CEP350: variants seen among roughly 807,000 people sequenced by gnomAD.
The protein encoded by CEP350 is centrosome-associated protein 350.
Under a neutral mutation model 331.8 loss-of-function variants are expected in CEP350, and 126 were observed. The ratio of observed to expected loss-of-function variants is 0.38; its 90% CI spans 0.33 to 0.44. The LOEUF is 0.44. CEP350 is among the 20% of genes least tolerant of loss of function. The probability of loss-of-function intolerance (pLI) is 1.00; values close to 1 mark genes in which losing one functional copy is unlikely to be tolerated. For missense variants in CEP350, 3,406 were observed against 3,634.6 expected (o/e 0.94, Z 1.62); for synonymous variants, 1,200 against 1,259.5 (o/e 0.95, Z 1.00).
intron 20 of CEP350, 124 bp downstream of exon 20, chr1:180,043,316 C>T: frequency 8.7e-7 from 1 of 1,149,808 alleles, no homozygotes; most frequent in Non-Finnish European, 1.2e-6. Context: ...CAGTTATGGG[C>T]ATAGTCTAGT....
chr1:179,955,114 G>T lies in CEP350; in HGVS notation c.-42G>T. On this transcript the variant is annotated 5_prime_UTR_variant, in exon 1 of 38. Transcript: ENST00000367607. Reference sequence around the variant, plus strand: ...GCCAGGCTCCGCGGGATGCACCGTGGTAGCCGAGGGCGGAGGCGACACTCT... The same window carrying T: ...GCCAGGCTCCGCGGGATGCACCGTGTTAGCCGAGGGCGGAGGCGACACTCT... The T allele has an allele frequency of 2.0e-6, 3 of 1,472,360 alleles. No individual in the cohort carries two copies. The South Asian group carries it at 3.8e-5, about 19-fold the overall frequency. The allele number at this position is 1,472,360 out of a possible 1,614,324, so 91.2% of individuals were successfully genotyped here.
In CEP350 at chr1:179,997,166, G is replaced by T. The variant is rs761292272; in HGVS notation, c.1009G>T (p.Ala337Ser). ...RKVATAPPAPAYKGFNPSETK... is the reference protein window; with the variant it reads ...RKVATAPPAPSYKGFNPSETK... Reference sequence around the variant, plus strand: ...AGTGGCAACAGCACCACCTGCTCCAGCATATAAAGGTTTGTAATCAGTCTT... The same window carrying T: ...AGTGGCAACAGCACCACCTGCTCCATCATATAAAGGTTTGTAATCAGTCTT... The change falls in exon 6 of 38, where the codon GCA (alanine) becomes TCA (serine). Residue 337 changes from alanine to serine, a missense_variant. By Grantham distance (99) the Ala-to-Ser change is moderately conservative. This residue lies in a region of CEP350 where 1,857 missense variants were observed against 1,909.2 expected (regional missense o/e 0.97). Transcript: ENST00000367607. 5.6e-6 allele frequency: 9 copies of T among 1,610,890 alleles called. No individual in the cohort carries two copies. The highest frequency in any genetic ancestry group is 7.6e-6 in the Non-Finnish European group (9 of 1,178,574).
chr1:180,045,912 A>G (rs923659383), intron 21 of CEP350, among the ~76,000 whole-genome samples: 4 of 151,764 alleles, frequency 2.6e-5, no homozygotes, highest in African/African-American at 9.7e-5. Context: ...ACTATACCCC[A>G]CTCATTCTAA....
At chr1:179,962,485 C>T (rs1190164263) in intron 1 of CEP350, among the ~76,000 whole-genome samples, 1 of 152,108 alleles carries the variant, frequency 6.6e-6, no homozygotes, top group Admixed American at 6.5e-5. Flanking sequence ...TCTTGGCTCA[C>T]TGCAACTTCC....
chr1:180,033,769 A>T, intron 15 of CEP350, 93 bp from the exon 16 acceptor site: 1 of 1,269,256 alleles, frequency 7.9e-7, no homozygotes, highest in Non-Finnish European at 1.1e-6. Context: ...GCTAATGTTG[A>T]TAGTTTTTTT....
Position 180,094,223 on chromosome 1 carries a change from C to A in CEP350, c.8118C>A (p.Asn2706Lys). The change falls in exon 34 of 38, where the codon AAC becomes AAA. Residue 2706 changes from asparagine (N) to lysine (K), a missense_variant. Transcript: ENST00000367607. ...AGCAGTTTACAGAAGAGGAAGACAA[C>A]CTATATGCTGAAGCTTCAGAAAAGC... ...KQQQFTEEED[N>K]LYAEASEKLC... The A allele has an allele frequency of 6.2e-7, 1 of 1,613,112 alleles. No individual in the cohort carries two copies. Among genetic ancestry groups the A allele is most frequent in the Non-Finnish European group, 8.5e-7 (1 of 1,179,528 alleles).
At chr1:180,075,911 C>T (rs755928100) in intron 28 of CEP350, among the ~76,000 whole-genome samples, 69 of 151,734 alleles carry the variant, frequency 4.5e-4, no homozygotes, top group Middle Eastern at 3.4e-3. Flanking sequence ...GAGCCAACAT[C>T]GTACCACTGC....
chr1:180,052,442 G>C (rs1657570387), intron 22 of CEP350: 2 of 302,470 alleles, frequency 6.6e-6, no homozygotes, highest in Admixed American at 9.5e-5. Context: ...TTTGAGCCTG[G>C]AGTATCTTGT....
At chr1:180,087,330 G>A (rs573699192) in intron 31 of CEP350, 30 of 254,664 alleles carry the variant, frequency 1.2e-4, no homozygotes, top group Middle Eastern at 1.3e-3. Context: ...CTGTAGATTC[G>A]CAATGTCATT....
intron 8 of CEP350, among the ~76,000 whole-genome samples, chr1:180,011,199 G>A (rs1398638019): frequency 1.3e-5 from 2 of 152,072 alleles, no homozygotes; most frequent in Non-Finnish European, 2.9e-5. Context: ...GAAAAGTAGT[G>A]TGTACTTTTG....
Position 180,042,350 on chromosome 1 carries a change from T to C in CEP350, c.4362+548T>C, listed in dbSNP as rs116747535. Among the ~76,000 whole-genome samples, 248 of 152,328 alleles carry C rather than the reference T, an allele frequency of 1.6e-3. 1 individual carries two copies. The highest frequency in any genetic ancestry group is 5.6e-3 in the African/African-American group (232 of 41,576). Reference sequence around the variant, plus strand: ...ATAACGTGGGTATAGCCCAAAGTAGTTTTATTGCTGTCTCTACATAGGATA... The same window carrying C: ...ATAACGTGGGTATAGCCCAAAGTAGCTTTATTGCTGTCTCTACATAGGATA... On this transcript the variant is annotated intron_variant, in intron 19 of 37. Transcript: ENST00000367607.
At chr1:180,077,925 G>C (rs1313422465) in intron 28 of CEP350, among the ~76,000 whole-genome samples, 3 of 152,026 alleles carry the variant, frequency 2.0e-5, no homozygotes, top group African/African-American at 7.2e-5. Context: ...CCTGAGGTCA[G>C]AGTTGGAGAC....
At chr1:179,998,145 A>C (rs962113350) in intron 6 of CEP350, among the ~76,000 whole-genome samples, 3 of 151,780 alleles carry the variant, frequency 2.0e-5, no homozygotes, top group East Asian at 3.8e-4. Flanking sequence ...CGAAGGGCTG[A>C]TTTCTTGATT....
At chr1:179,960,330 C>T (rs1650507812) in intron 1 of CEP350, among the ~76,000 whole-genome samples, 1 of 152,126 alleles carries the variant, frequency 6.6e-6, no homozygotes, top group Non-Finnish European at 1.5e-5. Flanking sequence ...CATGCAGGCT[C>T]CACATAGATG....
At chr1:179,976,070 TTTAAGATC>T (rs1651841726) in intron 1 of CEP350, among the ~76,000 whole-genome samples, 1 of 152,108 alleles carries the variant, frequency 6.6e-6, no homozygotes, top group Non-Finnish European at 1.5e-5. Context: ...AAGGTGAAAG[TTTAAGATC>T]CCAAATATTC....
Position 180,065,106 on chromosome 1 carries a change from T to G in CEP350, c.5410-9T>G, listed in dbSNP as rs188664339. The stretch of plus-strand genomic sequence containing the variant: ...AGTCCAATACAATTTTGCCTCTTTT[T>G]GTTTGCAGGACTCTCATAGTGATGA... On this transcript the variant is annotated splice_polypyrimidine_tract_variant and intron_variant, in intron 26 of 37. Transcript: ENST00000367607. 1.6e-4 allele frequency: 252 copies of G among 1,579,860 alleles called. 1 individual carries two copies. In the East Asian group the frequency reaches 3.3e-3, roughly 21 times the overall value.
At chr1:180,044,798 G>A (rs1432415398) in intron 21 of CEP350, among the ~76,000 whole-genome samples, 2 of 150,158 alleles carry the variant, frequency 1.3e-5, no homozygotes, top group African/African-American at 4.9e-5. Context: ...TGCACATTGT[G>A]CACATGTACC....
Position 180,092,678 on chromosome 1 carries a change from A to G in CEP350, c.6573A>G (p.Arg2191=). The part of the protein sequence containing the change: ...SERSLSAYAK[R]VNEWDSRTED... ...GGTCTTTATCTGCATATGCAAAGAG[A>G]GTAAATGAATGGGACAGTCGAACAG... Residue 2191 remains arginine (R), a synonymous_variant, in exon 34 of 38, where the codon AGA becomes AGG. Coordinates refer to ENST00000367607, the MANE Select transcript of CEP350 (RefSeq NM_014810.5). 6.2e-7 allele frequency: 1 copy of G among 1,613,240 alleles called. No individual in the cohort carries two copies. The highest frequency in any genetic ancestry group is 8.5e-7 in the Non-Finnish European group (1 of 1,179,532).
intron 1 of CEP350, among the ~76,000 whole-genome samples, chr1:179,967,603 G>T (rs959198431): frequency 6.6e-6 from 1 of 151,968 alleles, no homozygotes; most frequent in Admixed American, 6.5e-5. Context: ...ATAGAGATGG[G>T]GTTTCACCAT....
Sources: gnomAD v4.1 joint callset for allele counts (sites outside exome capture counted in the v4.1 genomes callset) on GRCh38, gnomAD v4.1.1 for gene constraint, gnomAD v4.1.1 regional missense constraint, MANE v1.5 for transcripts, NCBI Gene and HGNC (gene_info 2026-07-23, HGNC 2026-07-21) for gene names.